The following CPQ variants were observed in gnomAD, a reference collection of about 807,000 sequenced individuals.
CPQ encodes Ser-Met dipeptidase.
CPQ carries 37 observed loss-of-function variants against 45.7 expected under a neutral mutation model. The ratio of observed to expected loss-of-function variants is 0.81; its 90% CI spans 0.62 to 1.07. CPQ has a LOEUF of 1.07. Ranked by LOEUF, CPQ falls within the 50% of genes least tolerant of loss-of-function variation. The pLI, the probability that CPQ is intolerant of heterozygous loss-of-function variation, is 0.00. For missense variants in CPQ, 537 were observed against 572.9 expected (o/e 0.94, Z 0.64); for synonymous variants, 186 against 205.8 (o/e 0.90, Z 0.82).
At chr8:97,110,521 T>C (rs577581931) in intron 7 of CPQ, among the ~76,000 whole-genome samples, 9 of 152,232 alleles carry the variant, frequency 5.9e-5, no homozygotes, top group Non-Finnish European at 1.3e-4. Context: ...TATGTTTAAC[T>C]TTCTAAGAAG....
chr8:96,883,370 G>T (rs990698525), intron 4 of CPQ, among the ~76,000 whole-genome samples: 2 of 152,038 alleles, frequency 1.3e-5, no homozygotes, highest in African/African-American at 4.8e-5. Context: ...TATTTTGTCG[G>T]GGTAGCACCT....
chr8:97,002,008 TC>T (rs1221260413), intron 5 of CPQ, among the ~76,000 whole-genome samples: 1 of 152,044 alleles, frequency 6.6e-6, no homozygotes, highest in Non-Finnish European at 1.5e-5. Flanking sequence ...GGTGTATGTA[TC>T]CAGGAATTTA....
At chr8:97,035,011 G>C (rs1240230265) in intron 6 of CPQ, among the ~76,000 whole-genome samples, 7 of 151,584 alleles carry the variant, frequency 4.6e-5, no homozygotes, top group Non-Finnish European at 5.9e-5. Context: ...TTCTGCCTCA[G>C]CCTCCCAAGT....
chr8:96,708,433 GTGTGTATATA>G (rs776608584), intron 1 of CPQ, among the ~76,000 whole-genome samples: 2 of 126,862 alleles, frequency 1.6e-5, no homozygotes, highest in Non-Finnish European at 1.8e-5. Flanking sequence ...GTGTGTGTGT[GTGTGTATATA>G]TATATATATA....
chr8:97,029,409 G>T lies in CPQ; in HGVS notation c.968G>T (p.Arg323Leu), dbSNP rs148684432. ...TATTTTATTATTTTCCCAGGGCTGC[G>T]TCCAAAGAGGACTCTGCGGCTGGTG... ...ALSLIKDLGL[R>L]PKRTLRLVLW... The change falls in exon 6 of 8, where the codon CGT becomes CTT. Residue 323 changes from arginine to leucine, a missense_variant. Transcript: ENST00000220763. 13 of 1,604,382 alleles carry T rather than the reference G, an allele frequency of 8.1e-6. 1 individual carries two copies. In the South Asian group the frequency reaches 1.3e-4, roughly 17 times the overall value.
intron 5 of CPQ, among the ~76,000 whole-genome samples, chr8:96,988,430 GA>G (rs1230606475): frequency 6.6e-6 from 1 of 151,998 alleles, no homozygotes. Flanking sequence ...TTCAGACTGG[GA>G]AAAAATGTAC....
intron 3 of CPQ, among the ~76,000 whole-genome samples, chr8:96,864,865 A>G (rs896952505): frequency 6.6e-6 from 1 of 151,962 alleles, no homozygotes; most frequent in African/African-American, 2.4e-5. Flanking sequence ...CTCTCCCAGA[A>G]AACATTTATT....
chr8:96,919,425 C>A (rs1563528966), intron 4 of CPQ, among the ~76,000 whole-genome samples: 1 of 152,054 alleles, frequency 6.6e-6, no homozygotes, highest in East Asian at 1.9e-4. Flanking sequence ...GTACTGTGAA[C>A]TCTGTGCTGC....
rs372739222 is a variant in CPQ, at chr8:96,718,622, A to C, written c.-34-66242A>C. ...CAAAGCTTCCACAGCGTGGAAGGGG[A>C]CCCAAGTGGGTTGCCACTGCTGGCT... On this transcript the variant is annotated intron_variant, in intron 1 of 7. Transcript: ENST00000220763. Among the ~76,000 whole-genome samples the C allele has an allele frequency of 1.4e-4, 22 of 152,258 alleles. 1 individual carries two copies. The highest frequency in any genetic ancestry group is 1.2e-3 in the East Asian group (6 of 5,162).
intron 4 of CPQ, among the ~76,000 whole-genome samples, chr8:96,962,133 G>T (rs1380218166): frequency 6.6e-6 from 1 of 152,174 alleles, no homozygotes; most frequent in African/African-American, 2.4e-5. Context: ...CGACTGCGGT[G>T]TATTCTTCCC....
chr8:96,979,049 G>A (rs1813838585), intron 5 of CPQ, among the ~76,000 whole-genome samples: 1 of 108,086 alleles, frequency 9.3e-6, no homozygotes, highest in Non-Finnish European at 1.9e-5. Flanking sequence ...TTAGGAAGTG[G>A]TAAAAAAAAA....
At chr8:96,765,633 T>A (rs1219485850) in intron 1 of CPQ, among the ~76,000 whole-genome samples, 2 of 152,204 alleles carry the variant, frequency 1.3e-5, no homozygotes, top group Non-Finnish European at 2.9e-5. Context: ...AAACCCATGT[T>A]CCACATAGTA....
At chr8:96,670,005 G>T (rs549618513) in intron 1 of CPQ, among the ~76,000 whole-genome samples, 11 of 152,054 alleles carry the variant, frequency 7.2e-5, no homozygotes, top group Non-Finnish European at 1.5e-5. Flanking sequence ...ATATATTATC[G>T]ATTCATTAAC....
chr8:97,085,656 AT>A (rs1006063503), intron 7 of CPQ, among the ~76,000 whole-genome samples: 1 of 152,106 alleles, frequency 6.6e-6, no homozygotes, highest in African/African-American at 2.4e-5. Context: ...AGTAACATTA[AT>A]TTTTTTCATT....
chr8:96,900,846 G>A (rs1013123704), intron 4 of CPQ, among the ~76,000 whole-genome samples: 6 of 152,152 alleles, frequency 3.9e-5, no homozygotes, highest in Non-Finnish European at 8.8e-5. Context: ...TTGGTTTTCA[G>A]ATAACATTTT....
rs972875124 is a variant in CPQ, at chr8:96,795,652, T to A, written c.433+10322T>A. On this transcript the variant is annotated intron_variant, in intron 2 of 7. Coordinates refer to ENST00000220763, the MANE Select transcript of CPQ (RefSeq NM_016134.4). ...ATCTTTTTAAATAAGTTTTAATGGC[T>A]ACCAAATTTAAATATGCAATAATTA... is the stretch of plus-strand genomic sequence containing the variant. 2.0e-5 allele frequency among the ~76,000 whole-genome samples: 3 copies of A among 152,194 alleles called. No individual in the cohort carries two copies. The East Asian group carries it at 5.8e-4, about 29-fold the overall frequency.
In CPQ at chr8:97,084,463, A is replaced by G. The variant is rs569502374; in HGVS notation, c.1255+18253A>G. 2.0e-5 allele frequency among the ~76,000 whole-genome samples: 3 copies of G among 152,288 alleles called. No homozygotes were observed. In the South Asian group the frequency reaches 6.2e-4, roughly 32 times the overall value. ...GAATCTATTTATGAAAATTAGAACT[A>G]AACAGTTTAGCACAATTAAGCAGAA... On this transcript the variant is annotated intron_variant, in intron 7 of 7. Transcript: ENST00000220763.
chr8:96,654,676 C>G (rs892399384), intron 1 of CPQ, among the ~76,000 whole-genome samples: 2 of 152,132 alleles, frequency 1.3e-5, no homozygotes, highest in African/African-American at 4.8e-5. Flanking sequence ...AAGGCATTCC[C>G]TTACCAGCAA....
At chr8:96,748,884 G>A (rs930641490) in intron 1 of CPQ, among the ~76,000 whole-genome samples, 1 of 152,104 alleles carries the variant, frequency 6.6e-6, no homozygotes, top group South Asian at 2.1e-4. Flanking sequence ...TTTCTGGAAT[G>A]CCTTTCTGAA....
Sources: allele counts gnomAD v4.1 joint callset (sites outside exome capture counted in the v4.1 genomes callset), GRCh38; gene constraint gnomAD v4.1.1; transcripts MANE v1.5; gene names NCBI Gene and HGNC (gene_info 2026-07-23, HGNC 2026-07-21).